The following UNC5C variants were observed in gnomAD, a reference collection of about 807,000 sequenced individuals.
UNC5C encodes the protein unc-5 netrin receptor C.
UNC5C carries 47 observed loss-of-function variants against 99.8 expected under a neutral mutation model. The observed-to-expected ratio is 0.47, with a 90% CI of 0.37 to 0.60. The LOEUF (loss-of-function observed/expected upper bound fraction) is 0.60, where lower values mean the gene tolerates loss of function less well. Ranked by LOEUF, UNC5C falls within the 20% of genes least tolerant of loss-of-function variation. UNC5C has a pLI of 0.00. For synonymous variants in UNC5C, 487 were observed against 452.2 expected (o/e 1.08, Z -0.98); for missense variants, 1,062 against 1,165.9 (o/e 0.91, Z 1.30).
intron 1 of UNC5C, among the ~76,000 whole-genome samples, chr4:95,513,367 G>T (rs1722128732): frequency 6.6e-6 from 1 of 152,320 alleles, no homozygotes; most frequent in African/African-American, 2.4e-5. Context: ...AATGTGATAA[G>T]AAGGTAATGG....
intron 2 of UNC5C, among the ~76,000 whole-genome samples, chr4:95,325,396 G>A (rs903624498): frequency 1.3e-5 from 2 of 151,360 alleles, no homozygotes; most frequent in Non-Finnish European, 3.0e-5. Context: ...ATATATTAAA[G>A]AGTAGAAGGG....
intron 14 of UNC5C, among the ~76,000 whole-genome samples, chr4:95,175,961 C>G (rs1736324119): frequency 6.6e-6 from 1 of 151,700 alleles, no homozygotes; most frequent in African/African-American, 2.4e-5. Context: ...TCTTTTTTCT[C>G]TAAACTTCCT....
chr4:95,180,339 T>G (rs1335745438), intron 14 of UNC5C, among the ~76,000 whole-genome samples: 1 of 152,228 alleles, frequency 6.6e-6, no homozygotes, highest in Non-Finnish European at 1.5e-5. Flanking sequence ...AAACTGTAAA[T>G]TTATCATCTG....
chr4:95,411,412 CT>C, intron 1 of UNC5C, among the ~76,000 whole-genome samples: 1 of 152,164 alleles, frequency 6.6e-6, no homozygotes, highest in Non-Finnish European at 1.5e-5. Context: ...ATTTCCCAAC[CT>C]TGCAATTTAC....
chr4:95,501,196 G>A (rs1721767426), intron 1 of UNC5C, among the ~76,000 whole-genome samples: 1 of 152,012 alleles, frequency 6.6e-6, no homozygotes, highest in African/African-American at 2.4e-5. Flanking sequence ...AGTACAATTA[G>A]GTTTTGCTTT....
intron 1 of UNC5C, among the ~76,000 whole-genome samples, chr4:95,536,918 A>C (rs961744540): frequency 2.0e-5 from 3 of 152,162 alleles, no homozygotes; most frequent in African/African-American, 7.2e-5. Flanking sequence ...AAATCACTCA[A>C]AATAAGCTTT....
intron 1 of UNC5C, among the ~76,000 whole-genome samples, chr4:95,371,989 G>T (rs1744762659): frequency 6.6e-6 from 1 of 152,130 alleles, no homozygotes; most frequent in Non-Finnish European, 1.5e-5. Flanking sequence ...CAGGACAATT[G>T]CACTGTTTCC....
chr4:95,248,398 T>C lies in UNC5C; in HGVS notation c.775+2089A>G, dbSNP rs76579659. 1.6e-3 allele frequency: 560 copies of C among 342,896 alleles called. 3 individuals are homozygous for C. Among genetic ancestry groups the C allele is most frequent in the African/African-American group, 0.011 (490 of 45,758 alleles). The allele number at this position is 342,896 out of a possible 1,614,324, so 21.2% of individuals were successfully genotyped here. A position where few individuals can be genotyped will look rare whatever the true frequency, so the allele number is the denominator to read the frequency against. On this transcript the variant is annotated intron_variant, in intron 5 of 15. Coordinates refer to ENST00000453304, the MANE Select transcript of UNC5C (RefSeq NM_003728.4). ...TAGCAAGTTATGAAAAAGTCAATTA[T>C]GTGTTAAGGCTAAAAGAAGATTAAG...
intron 7 of UNC5C, among the ~76,000 whole-genome samples, chr4:95,226,138 C>G (rs562034383): frequency 6.6e-6 from 1 of 152,122 alleles, no homozygotes; most frequent in Non-Finnish European, 1.5e-5. Flanking sequence ...CGGTTGCTAC[C>G]GACAGCCTGG....
At chr4:95,502,486 G>A (rs1721799651) in intron 1 of UNC5C, among the ~76,000 whole-genome samples, 1 of 152,062 alleles carries the variant, frequency 6.6e-6, no homozygotes, top group South Asian at 2.1e-4. Flanking sequence ...TGCCCAGACT[G>A]GTCTTTAAAC....
At chr4:95,189,641 C>T (rs1032918589) in intron 12 of UNC5C, among the ~76,000 whole-genome samples, 12 of 152,232 alleles carry the variant, frequency 7.9e-5, no homozygotes, top group African/African-American at 2.9e-4. Context: ...AACAAATTTA[C>T]GAGAAAGAAA....
chr4:95,348,406 T>C (rs1743857589), intron 1 of UNC5C, among the ~76,000 whole-genome samples: 1 of 151,576 alleles, frequency 6.6e-6, no homozygotes, highest in African/African-American at 2.4e-5. Context: ...GCAATCCCAC[T>C]GCTAAGTATA....
intron 2 of UNC5C, among the ~76,000 whole-genome samples, chr4:95,325,324 T>C (rs971752962): frequency 6.6e-6 from 1 of 152,030 alleles, no homozygotes; most frequent in African/African-American, 2.4e-5. Context: ...AATAAACTGC[T>C]GGAAAAAGAA....
At chr4:95,492,338 A>G (rs1721516035) in intron 1 of UNC5C, among the ~76,000 whole-genome samples, 1 of 151,294 alleles carries the variant, frequency 6.6e-6, no homozygotes, top group East Asian at 1.9e-4. Context: ...AAAAATTAGA[A>G]TGTGCTTAGC....
At chr4:95,432,603 T>C (rs983413890) in intron 1 of UNC5C, among the ~76,000 whole-genome samples, 1 of 151,988 alleles carries the variant, frequency 6.6e-6, no homozygotes, top group African/African-American at 2.4e-5. Flanking sequence ...GAATTCACAG[T>C]GGTTGGTCAG....
chr4:95,378,736 G>A (rs1381748057), intron 1 of UNC5C, among the ~76,000 whole-genome samples: 1 of 152,052 alleles, frequency 6.6e-6, no homozygotes, highest in Admixed American at 6.5e-5. Flanking sequence ...TTAAAATCTT[G>A]ACAAAATCAG....
chr4:95,347,616 G>A (rs1743825992), intron 1 of UNC5C, among the ~76,000 whole-genome samples: 3 of 151,876 alleles, frequency 2.0e-5, no homozygotes, highest in African/African-American at 7.2e-5. Flanking sequence ...CACCTACAGT[G>A]AATTCATTTT....
At position 95,312,346 on chromosome 4, in the gene UNC5C, A is replaced by T. The variant is rs12646682; in HGVS notation, c.347-10597T>A. ...CCATCAGTACAGTAACTGGCACATA[A>T]TATTTGTCCAGTTAATATATGTTAA... On this transcript the variant is annotated intron_variant, in intron 2 of 15. Transcript: ENST00000453304. 0.036 allele frequency among the ~76,000 whole-genome samples: 5,517 copies of T among 152,242 alleles called. 644 individuals are homozygous for T. The East Asian group carries it at 0.46, about 13-fold the overall frequency.
chr4:95,232,548 G>T (rs17023302), intron 7 of UNC5C, among the ~76,000 whole-genome samples: 7,861 of 152,120 alleles, frequency 0.052, 675 homozygotes, highest in African/African-American at 0.18. Context: ...TCTCGAAGGA[G>T]CCCATGCTTT....
Sources: gnomAD v4.1 joint callset for allele counts (sites outside exome capture counted in the v4.1 genomes callset) on GRCh38, gnomAD v4.1.1 for gene constraint, MANE v1.5 for transcripts, NCBI Gene and HGNC (gene_info 2026-07-23, HGNC 2026-07-21) for gene names.